SLC8A1: variants seen among roughly 807,000 people sequenced by gnomAD.
SLC8A1 encodes sodium/calcium exchanger 1.
Under a neutral mutation model 68.3 loss-of-function variants are expected in SLC8A1, and 18 were observed. The observed-to-expected ratio is 0.26, with a 90% CI of 0.18 to 0.39. The LOEUF (loss-of-function observed/expected upper bound fraction) is 0.39, where lower values mean the gene tolerates loss of function less well. SLC8A1 is among the 10% of genes least tolerant of loss of function. The probability of loss-of-function intolerance (pLI) is 1.00; values close to 1 mark genes in which losing one functional copy is unlikely to be tolerated. For synonymous variants in SLC8A1, 475 were observed against 415.5 expected (o/e 1.14, Z -1.74); for missense variants, 985 against 1,156.7 (o/e 0.85, Z 2.15).
intron 2 of SLC8A1, among the ~76,000 whole-genome samples, chr2:40,361,420 T>C (rs1280279786): frequency 6.9e-6 from 1 of 145,206 alleles, no homozygotes; most frequent in Non-Finnish European, 1.5e-5. Flanking sequence ...CTTCTTCCAA[T>C]ACTTTAAAAT....
chr2:40,238,451 C>G (rs1168810959), intron 2 of SLC8A1, among the ~76,000 whole-genome samples: 1 of 151,694 alleles, frequency 6.6e-6, no homozygotes, highest in Non-Finnish European at 1.5e-5. Flanking sequence ...GCAATGCTCG[C>G]CCTGCTTCGG....
intron 2 of SLC8A1, among the ~76,000 whole-genome samples, chr2:40,331,938 C>T (rs895523911): frequency 5.3e-5 from 8 of 151,880 alleles, no homozygotes; most frequent in African/African-American, 1.7e-4. Flanking sequence ...ATTTTTCTCT[C>T]CATGTATTTA....
chr2:40,176,525 AG>A (rs1216233811), intron 3 of SLC8A1, among the ~76,000 whole-genome samples: 1 of 152,168 alleles, frequency 6.6e-6, no homozygotes, highest in Non-Finnish European at 1.5e-5. Flanking sequence ...CATATTAAAT[AG>A]GCTTCATTAA....
chr2:40,343,846 T>G (rs1411842053), intron 2 of SLC8A1, among the ~76,000 whole-genome samples: 1 of 152,224 alleles, frequency 6.6e-6, no homozygotes, highest in East Asian at 1.9e-4. Flanking sequence ...CAACTTCTGC[T>G]AATGATTGGA....
chr2:40,349,414 C>G (rs547387052), intron 2 of SLC8A1, among the ~76,000 whole-genome samples: 1 of 152,190 alleles, frequency 6.6e-6, no homozygotes, highest in African/African-American at 2.4e-5. Flanking sequence ...AAAAATACTT[C>G]TGAGGTTAAA....
intron 2 of SLC8A1, among the ~76,000 whole-genome samples, chr2:40,288,978 G>A (rs568947583): frequency 6.6e-6 from 1 of 151,296 alleles, no homozygotes; most frequent in Non-Finnish European, 1.5e-5. Context: ...AGTATGTTGG[G>A]ATTAGGCGTG....
chr2:40,109,628 C>T (rs1048083606), exon 8 of SLC8A1: 8 of 152,086 alleles, frequency 5.3e-5, no homozygotes, highest in Non-Finnish European at 1.0e-4. Flanking sequence ...TAAGCTCTTT[C>T]CCTATTGCCG....
chr2:40,373,723 T>C (rs574397283), intron 2 of SLC8A1, among the ~76,000 whole-genome samples: 3 of 152,158 alleles, frequency 2.0e-5, no homozygotes, highest in African/African-American at 7.2e-5. Context: ...TTTTCCTTCC[T>C]ACAAACAAAC....
At chr2:40,215,378 C>T (rs1238479014) in intron 2 of SLC8A1, among the ~76,000 whole-genome samples, 1 of 152,064 alleles carries the variant, frequency 6.6e-6, no homozygotes, top group East Asian at 1.9e-4. Flanking sequence ...TGGCTCACGC[C>T]TGTAATCCCA....
intron 2 of SLC8A1, among the ~76,000 whole-genome samples, chr2:40,211,071 G>C (rs1260220986): frequency 1.3e-5 from 2 of 152,130 alleles, no homozygotes; most frequent in Non-Finnish European, 2.9e-5. Context: ...AGAAATAATT[G>C]TTATGTCAAG....
At chr2:40,332,805 T>C (rs2076550341) in intron 2 of SLC8A1, among the ~76,000 whole-genome samples, 1 of 152,234 alleles carries the variant, frequency 6.6e-6, no homozygotes, top group South Asian at 2.1e-4. Flanking sequence ...ATTGATTAGC[T>C]TTTCCAGAGT....
chr2:40,366,456 C>T (rs1448358983), intron 2 of SLC8A1, among the ~76,000 whole-genome samples: 1 of 151,976 alleles, frequency 6.6e-6, no homozygotes, highest in Non-Finnish European at 1.5e-5. Flanking sequence ...TCGTGAGGAA[C>T]AAATGGAATA....
intron 2 of SLC8A1, among the ~76,000 whole-genome samples, chr2:40,263,532 C>G (rs1437626216): frequency 6.6e-6 from 1 of 151,710 alleles, no homozygotes; most frequent in Non-Finnish European, 1.5e-5. Context: ...AGAACAGAGC[C>G]CTCAGAAATA....
At chr2:40,433,003 T>C (rs1358931726) in intron 1 of SLC8A1, among the ~76,000 whole-genome samples, 2 of 152,238 alleles carry the variant, frequency 1.3e-5, no homozygotes, top group Middle Eastern at 3.4e-3. Flanking sequence ...TTGTGATAAA[T>C]AGTAGTACTG....
chr2:40,282,931 A>G (rs1276037735), intron 2 of SLC8A1, among the ~76,000 whole-genome samples: 2 of 152,198 alleles, frequency 1.3e-5, no homozygotes, highest in Non-Finnish European at 2.9e-5. Context: ...CTGTATAGTG[A>G]TGGCCTGTGC....
chr2:40,418,900 A>T (rs924468041), intron 2 of SLC8A1, among the ~76,000 whole-genome samples: 2 of 152,238 alleles, frequency 1.3e-5, no homozygotes, highest in Non-Finnish European at 2.9e-5. Flanking sequence ...GGTTGCTCCT[A>T]GAGTGGACAG....
chr2:40,389,814 T>C (rs1351138357), intron 2 of SLC8A1, among the ~76,000 whole-genome samples: 5 of 148,392 alleles, frequency 3.4e-5, no homozygotes, highest in Non-Finnish European at 7.5e-5. Context: ...GAAATATATA[T>C]ATGATATATG....
Position 40,408,100 on chromosome 2 carries a change from C to G in SLC8A1, c.1808+20373G>C, listed in dbSNP as rs150563535. Among the ~76,000 whole-genome samples the G allele has an allele frequency of 2.5e-4, 38 of 152,312 alleles. No homozygotes were observed. In the Middle Eastern group the frequency reaches 0.014, roughly 55 times the overall value. ...CAGAATGTCAGTTTAGCCACAGAAA[C>G]AGCCCTATATATTCTTCTACAATCT... is the stretch of plus-strand genomic sequence containing the variant. On this transcript the variant is annotated intron_variant, in intron 2 of 7. Transcript: ENST00000406785.
At chr2:40,196,399 G>A (rs552863347) in intron 2 of SLC8A1, among the ~76,000 whole-genome samples, 5 of 152,054 alleles carry the variant, frequency 3.3e-5, no homozygotes, top group South Asian at 2.1e-4. Flanking sequence ...TGAGAAATGA[G>A]CCTCTGACCT....
Sources: allele counts gnomAD v4.1 joint callset (sites outside exome capture counted in the v4.1 genomes callset), GRCh38; gene constraint gnomAD v4.1.1; transcripts MANE v1.5; gene names NCBI Gene and HGNC (gene_info 2026-07-23, HGNC 2026-07-21).